Variants in TNRC18 observed in about 807,000 individuals in gnomAD.
The protein encoded by TNRC18 is trinucleotide repeat-containing gene 18 protein.
Under a neutral mutation model 226.7 loss-of-function variants are expected in TNRC18, and 69 were observed. The observed-to-expected ratio is 0.30, with a 90% CI of 0.25 to 0.37. TNRC18 has a LOEUF of 0.37. Ranked by LOEUF, TNRC18 falls within the 10% of genes least tolerant of loss-of-function variation. The pLI, the probability that TNRC18 is intolerant of heterozygous loss-of-function variation, is 1.00. For missense variants in TNRC18, 4,754 were observed against 4,256.6 expected, an observed-to-expected ratio of 1.12 and a Z score of -3.25; for synonymous variants, 2,449 against 1,927.6, an observed-to-expected ratio of 1.27 and a Z score of -7.09.
At chr7:5,408,833 G>C (rs1275521646) in intron 2 of TNRC18, among the ~76,000 whole-genome samples, 1 of 152,140 alleles carries the variant, frequency 6.6e-6, no homozygotes. Context: ...GAAAAGCTGA[G>C]GACAAGAGAG....
intron 26 of TNRC18, among the ~76,000 whole-genome samples, chr7:5,314,156 G>C (rs544693889): frequency 6.6e-6 from 1 of 151,286 alleles, no homozygotes; most frequent in Non-Finnish European, 1.5e-5. Context: ...TTTTTTTGTA[G>C]AGATACAGTT....
Position 5,345,517 on chromosome 7 carries a change from G to GCCTCC in TNRC18, c.5719+44_5719+45insGGAGG. ...CCTGTGGGATGGGGCAATGGCGTCC[G>GCCTCC]CCCCTCCCACCCACCCCCACCGCAG... is the stretch of plus-strand genomic sequence containing the variant. On this transcript the variant is annotated intron_variant, in intron 18 of 29. Coordinates refer to ENST00000430969, the MANE Select transcript of TNRC18 (RefSeq NM_001080495.3). 42 of 377,742 alleles carry GCCTCC rather than the reference G, an allele frequency of 1.1e-4. 2 individuals carry two copies. The highest frequency in any genetic ancestry group is 6.6e-4 in the South Asian group (15 of 22,822). 23.4% of individuals were successfully genotyped at this position (377,742 alleles called of 1,614,324 possible). A position where few individuals can be genotyped will look rare whatever the true frequency, so the allele number is the denominator to read the frequency against.
At chr7:5,380,940 C>T (rs1241959269) in intron 5 of TNRC18, among the ~76,000 whole-genome samples, 1 of 152,170 alleles carries the variant, frequency 6.6e-6, no homozygotes, top group African/African-American at 2.4e-5. Context: ...GAGTCTGGGA[C>T]AAGCTTTGAG....
chr7:5,355,388 G>A lies in TNRC18; in HGVS notation c.5194+1528C>T, dbSNP rs528157254. 3.3e-5 allele frequency among the ~76,000 whole-genome samples: 5 copies of A among 152,086 alleles called. 1 individual carries two copies. The South Asian group carries it at 1.0e-3, about 32-fold the overall frequency. ...CACGCCTGTAATCCCAGCACTTTGG[G>A]AGGCTGAGGCAGGAGGATCTCTTGA... is the stretch of plus-strand genomic sequence containing the variant. On this transcript the variant is annotated intron_variant, in intron 16 of 29. Transcript: ENST00000430969.
At chr7:5,386,724 T>A (rs1315434594) in intron 5 of TNRC18, among the ~76,000 whole-genome samples, 1 of 152,138 alleles carries the variant, frequency 6.6e-6, no homozygotes, top group Non-Finnish European at 1.5e-5. Flanking sequence ...CACTCCACCC[T>A]GGGTAACAGA....
chr7:5,420,895 C>G (rs1196631821), intron 2 of TNRC18, 165 bp downstream of exon 2: 10 of 893,468 alleles, frequency 1.1e-5, no homozygotes, highest in Non-Finnish European at 1.5e-5. Context: ...ACCGCCTTGG[C>G]TCCGGGACCA....
intron 2 of TNRC18, chr7:5,420,579 G>A (rs893301692): frequency 1.1e-5 from 5 of 451,254 alleles, no homozygotes; most frequent in Admixed American, 2.4e-5. Flanking sequence ...CCGGCGCTCG[G>A]TAACTGCCAG....
rs1786723985 is a variant in TNRC18 at position 5,307,955 on chromosome 7, C to G, written c.*151G>C. 3.1e-5 allele frequency: 21 copies of G among 682,342 alleles called. No individual in the cohort carries two copies. In the South Asian group the frequency reaches 3.7e-4, roughly 12 times the overall value. 42.3% of individuals were successfully genotyped at this position (682,342 alleles called of 1,614,324 possible). ...ACACACGTGCATGCACACACACTCACCCGGGCATCCACGTGCACACCTGGC... is the reference window on the plus strand; with the variant it reads ...ACACACGTGCATGCACACACACTCAGCCGGGCATCCACGTGCACACCTGGC... On this transcript the variant is annotated 3_prime_UTR_variant, in exon 30 of 30. Transcript: ENST00000430969.
intron 18 of TNRC18, among the ~76,000 whole-genome samples, chr7:5,336,207 A>G (rs919072604): frequency 0.01 from 1,429 of 138,790 alleles, 15 homozygotes; most frequent in African/African-American, 0.036. Flanking sequence ...ACTCTGTTTT[A>G]AAAAAAAAAA....
At chr7:5,317,009 GT>G (rs1787914887) in intron 24 of TNRC18, among the ~76,000 whole-genome samples, 1 of 152,134 alleles carries the variant, frequency 6.6e-6, no homozygotes, top group Non-Finnish European at 1.5e-5. Flanking sequence ...CAGGGAGGAG[GT>G]TGGACAGGCC....
At chr7:5,360,748 T>C (rs1792947958) in intron 14 of TNRC18, among the ~76,000 whole-genome samples, 1 of 152,154 alleles carries the variant, frequency 6.6e-6, no homozygotes, top group Admixed American at 6.6e-5. Context: ...GGGAGATTTC[T>C]ACCTCTCTCC....
In TNRC18 at chr7:5,377,827, G is replaced by T; in HGVS notation, c.2255+95C>A. 2 of 1,275,744 alleles carry T rather than the reference G, an allele frequency of 1.6e-6. No individual in the cohort carries two copies. Among genetic ancestry groups the T allele is most frequent in the Non-Finnish European group, 2.2e-6 (2 of 896,164 alleles). The allele number at this position is 1,275,744 out of a possible 1,614,324, so 79.0% of individuals were successfully genotyped here. A position where few individuals can be genotyped will look rare whatever the true frequency, so the allele number is the denominator to read the frequency against. ...TCTCAGTACCATAGCATCCATGGTCGAGGGGCCAAGCCCACCTGGGGTCAT... is the reference window on the plus strand; with the variant it reads ...TCTCAGTACCATAGCATCCATGGTCTAGGGGCCAAGCCCACCTGGGGTCAT... On this transcript the variant is annotated intron_variant, in intron 6 of 29. Coordinates refer to ENST00000430969, the MANE Select transcript of TNRC18 (RefSeq NM_001080495.3). This position sits in a 1 kb window ranked among gnomAD's most constrained non-coding sequence, Gnocchi z 5.8.
intron 18 of TNRC18, among the ~76,000 whole-genome samples, chr7:5,343,695 G>A (rs148574875): frequency 1.8e-4 from 28 of 152,294 alleles, no homozygotes; most frequent in East Asian, 5.8e-4. Context: ...CCAAAGTGCC[G>A]GGATTGTAGG....
In TNRC18 at chr7:5,388,640, C is replaced by A; in HGVS notation, c.1184G>T (p.Arg395Leu). Residue 395 changes from arginine (R) to leucine (L), a missense_variant, in exon 5 of 30, where the codon CGC becomes CTC. Transcript: ENST00000430969. Reference sequence around the variant, plus strand: ...CTCGCGCTCGCGGGCCCGGGCATCGCGCGCCTGGGATGCGATCTGGATGGG... The same window carrying A: ...CTCGCGCTCGCGGGCCCGGGCATCGAGCGCCTGGGATGCGATCTGGATGGG... ...PGPIQIASQA[R>L]DARAREREAG... is the part of the protein sequence containing the mutation. 2 of 1,277,452 alleles carry A rather than the reference C, an allele frequency of 1.6e-6. No individual in the cohort carries two copies. Among genetic ancestry groups the A allele is most frequent in the Non-Finnish European group, 2.0e-6 (2 of 1,010,890 alleles). 79.1% of individuals were successfully genotyped at this position (1,277,452 alleles called of 1,614,324 possible).
At chr7:5,420,715 G>A (rs1198831388) in intron 2 of TNRC18, 9 of 546,148 alleles carry the variant, frequency 1.6e-5, no homozygotes, top group Non-Finnish European at 3.1e-5. Context: ...GGGTGCGGGG[G>A]CCGGTTTGTT....
chr7:5,361,039 G>T (rs1792986797), intron 14 of TNRC18, among the ~76,000 whole-genome samples: 2 of 152,202 alleles, frequency 1.3e-5, no homozygotes, highest in Non-Finnish European at 2.9e-5. Flanking sequence ...TCTTTTCTGT[G>T]CACGCCTCGC....
chr7:5,393,979 A>G (rs1319042137), intron 3 of TNRC18, among the ~76,000 whole-genome samples: 1 of 151,970 alleles, frequency 6.6e-6, no homozygotes, highest in Admixed American at 6.6e-5. Flanking sequence ...AACTGTTGGG[A>G]TTACAGCTGT....
Position 5,324,939 on chromosome 7 carries a change from G to A in TNRC18, c.6300+157C>T, listed in dbSNP as rs961397046. Among the ~76,000 whole-genome samples, 1 of 152,192 alleles carries A rather than the reference G, an allele frequency of 6.6e-6. No individual in the cohort carries two copies. Among genetic ancestry groups the A allele is most frequent in the African/African-American group, 2.4e-5 (1 of 41,442 alleles). ...TCCCCAGTATCTCCTTATCCCTGGA[G>A]TGTGGGGACGGCCACATCACCCTCG... is the stretch of plus-strand genomic sequence containing the variant. On this transcript the variant is annotated intron_variant, in intron 20 of 29. Coordinates refer to ENST00000430969, the MANE Select transcript of TNRC18 (RefSeq NM_001080495.3). The surrounding 1 kb of genome is among the most constrained non-coding windows in gnomAD (Gnocchi z 4.8).
At position 5,389,179 on chromosome 7, in the gene TNRC18, C is replaced by A; in HGVS notation, c.645G>T (p.Glu215Asp). Residue 215 changes from glutamate (E) to aspartate (D), a missense_variant, in exon 5 of 30, where the codon GAG becomes GAT. Glu to Asp is a conservative substitution (Grantham distance 45). Transcript: ENST00000430969. ...CCTTCTTGCCGAAAAGCGGAGGCGG[C>A]TCCCCGCCGCGGCCCGCCCGCTCCT... Reference protein sequence around the residue: ...PAKERAGRGGEPPPLFGKKDP... With the variant: ...PAKERAGRGGDPPPLFGKKDP... The A allele has an allele frequency of 7.6e-7, 1 of 1,316,982 alleles. No individual in the cohort carries two copies. The highest frequency in any genetic ancestry group is 9.7e-7 in the Non-Finnish European group (1 of 1,035,236). The allele number at this position is 1,316,982 out of a possible 1,614,324, so 81.6% of individuals were successfully genotyped here. A position where few individuals can be genotyped will look rare whatever the true frequency, so the allele number is the denominator to read the frequency against.
Sources: gnomAD v4.1 joint callset for allele counts (sites outside exome capture counted in the v4.1 genomes callset) on GRCh38, gnomAD v4.1.1 for gene constraint, Gnocchi (gnomAD v3.1) non-coding constraint, MANE v1.5 for transcripts, NCBI Gene and HGNC (gene_info 2026-07-23, HGNC 2026-07-21) for gene names.